CYP26B1: variants seen among roughly 807,000 people sequenced by gnomAD.
CYP26B1 encodes cytochrome P450 26B1.
A neutral mutation model predicts 39.1 loss-of-function variants in CYP26B1; 8 were observed. That is an observed-to-expected ratio of 0.20 (90% confidence interval 0.12 to 0.37). CYP26B1 has a LOEUF of 0.37. Ranked by LOEUF, CYP26B1 falls within the 10% of genes least tolerant of loss-of-function variation. CYP26B1 has a pLI of 1.00. For synonymous variants in CYP26B1, 321 were observed against 314.3 expected, an observed-to-expected ratio of 1.02 and a Z score of -0.23; for missense variants, 615 against 707.0, an observed-to-expected ratio of 0.87 and a Z score of 1.48.
chr2:72,145,680 T>A (rs1184423285), intron 1 of CYP26B1, among the ~76,000 whole-genome samples: 2 of 152,178 alleles, frequency 1.3e-5, no homozygotes, highest in Non-Finnish European at 2.9e-5. Flanking sequence ...GGTTGTGAAT[T>A]TTCCGAGGTC....
At chr2:72,146,392 A>T (rs1490087226) in intron 1 of CYP26B1, among the ~76,000 whole-genome samples, 1 of 152,110 alleles carries the variant, frequency 6.6e-6, no homozygotes, top group Non-Finnish European at 1.5e-5. Context: ...ATTGGTTGAA[A>T]GGACCCCCAC....
rs767391790 is a variant in CYP26B1 at position 72,135,248 on chromosome 2, T to C, written c.601A>G (p.Ser201Gly). 6 of 1,614,028 alleles carry C rather than the reference T, an allele frequency of 3.7e-6. No homozygotes were observed. The highest frequency in any genetic ancestry group is 1.6e-4 in the Middle Eastern group (1 of 6,084). The change falls in exon 3 of 6, where the codon AGC becomes GGC. Residue 201 changes from serine to glycine, a missense_variant. Ser to Gly is a moderately conservative substitution (Grantham distance 56). Transcript: ENST00000001146. ...TGCCCAAGGTCCTCCTCAGGGATGC[T>C]GAAGCCCAGCAGCACCCGGATGGCC... ...RMAIRVLLGFSIPEEDLGHLF... is the reference protein window; with the variant it reads ...RMAIRVLLGFGIPEEDLGHLF...
At chr2:72,144,380 A>G (rs1301299610) in intron 1 of CYP26B1, 167 bp from the exon 2 acceptor site, 1 of 1,434,284 alleles carries the variant, frequency 7.0e-7, no homozygotes, top group East Asian at 2.5e-5. Context: ...GTGCACAAGA[A>G]CTGCGAAGTA....
Position 72,147,037 on chromosome 2 carries a change from T to C in CYP26B1, c.204+594A>G, listed in dbSNP as rs1376786091. Among the ~76,000 whole-genome samples the C allele has an allele frequency of 6.6e-6, 1 of 152,180 alleles. No individual in the cohort carries two copies. Among genetic ancestry groups the C allele is most frequent in the African/African-American group, 2.4e-5 (1 of 41,448 alleles). Reference sequence around the variant, plus strand: ...GAAAGCCTAGAGCCCTGGATTCTCATTTTTCCTTGGGTTACCTTCTTCCTC... The same window carrying C: ...GAAAGCCTAGAGCCCTGGATTCTCACTTTTCCTTGGGTTACCTTCTTCCTC... On this transcript the variant is annotated intron_variant, in intron 1 of 5. Transcript: ENST00000001146. The surrounding 1 kb of genome is among the most constrained non-coding windows in gnomAD (Gnocchi z 6.1).
Position 72,132,355 on chromosome 2 carries a change from A to C in CYP26B1, c.1411T>G (p.Phe471Val), listed in dbSNP as rs1676611326. The change falls in exon 6 of 6, where the codon TTC (phenylalanine) becomes GTC (valine). Residue 471 changes from phenylalanine to valine, a missense_variant. Phe to Val is a conservative substitution (Grantham distance 50). Transcript: ENST00000001146. The part of the protein sequence containing the change: ...TSRFELATRT[F>V]PRITLVPVLH... ...ACGGGGACCAAGGTGATGCGGGGGA[A>C]GGTCCGTGTGGCCAGCTCAAAGCGG... 6.2e-7 allele frequency: 1 copy of C among 1,611,176 alleles called. No homozygotes were observed. Among genetic ancestry groups the C allele is most frequent in the Non-Finnish European group, 8.5e-7 (1 of 1,178,102 alleles).
In CYP26B1 at chr2:72,147,818, A is replaced by G. The variant is rs1240656554; in HGVS notation, c.17T>C (p.Leu6Ser). ...GGTGGCCAGCGCCGACACCAGATCCAAGCCCTCAAAGAGCATGTTGGCGGC... is the reference window on the plus strand; with the variant it reads ...GGTGGCCAGCGCCGACACCAGATCCGAGCCCTCAAAGAGCATGTTGGCGGC... MLFEG[L>S]DLVSALATLA... The change falls in exon 1 of 6, where the codon TTG (leucine) becomes TCG (serine). Residue 6 changes from leucine to serine, a missense_variant. Coordinates refer to ENST00000001146, the MANE Select transcript of CYP26B1 (RefSeq NM_019885.4). This position sits in a 1 kb window ranked among gnomAD's most constrained non-coding sequence, Gnocchi z 6.1. The G allele has an allele frequency of 6.5e-7, 1 of 1,538,522 alleles. No individual in the cohort carries two copies. Among genetic ancestry groups the G allele is most frequent in the South Asian group, 1.2e-5 (1 of 82,638 alleles).
chr2:72,141,356 C>T (rs1676937284), intron 2 of CYP26B1, among the ~76,000 whole-genome samples: 1 of 152,192 alleles, frequency 6.6e-6, no homozygotes, highest in Non-Finnish European at 1.5e-5. Flanking sequence ...CCCCTGCTGG[C>T]CCAGGACCAC....
At chr2:72,145,430 G>A (rs1677095507) in intron 1 of CYP26B1, among the ~76,000 whole-genome samples, 1 of 152,220 alleles carries the variant, frequency 6.6e-6, no homozygotes, top group South Asian at 2.1e-4. Context: ...TGGGCCGCGG[G>A]AACGCTGTCC....
Position 72,140,845 on chromosome 2 carries a change from A to G in CYP26B1, c.429+3144T>C, listed in dbSNP as rs116683675. Among the ~76,000 whole-genome samples, 899 of 152,282 alleles carry G rather than the reference A, an allele frequency of 5.9e-3. 6 individuals are homozygous for G. The highest frequency in any genetic ancestry group is 0.021 in the African/African-American group (864 of 41,550). On this transcript the variant is annotated intron_variant, in intron 2 of 5. Coordinates refer to ENST00000001146, the MANE Select transcript of CYP26B1 (RefSeq NM_019885.4). ...TCCTGTAGGCAGGGGTCTGGGTAGA[A>G]GGGGCAAGACTACCATTCCTGAGGT...
Position 72,135,197 on chromosome 2 carries a change from C to T in CYP26B1, c.652G>A (p.Val218Met), listed in dbSNP as rs1274364128. Residue 218 changes from valine (V) to methionine (M), a missense_variant, in exon 3 of 6, where the codon GTG (valine) becomes ATG (methionine). Coordinates refer to ENST00000001146, the MANE Select transcript of CYP26B1 (RefSeq NM_019885.4). ...GHLFEVYQQFVDNVFSLPVDL... is the reference protein window; with the variant it reads ...GHLFEVYQQFMDNVFSLPVDL... The stretch of plus-strand genomic sequence containing the variant: ...ACAGGCAGGGAGAAGACATTGTCCA[C>T]AAACTGCTGGTAGACCTCAAAGAGG... The T allele has an allele frequency of 3.1e-6, 5 of 1,614,070 alleles. No homozygotes were observed. Among genetic ancestry groups the T allele is most frequent in the Non-Finnish European group, 4.2e-6 (5 of 1,180,020 alleles).
chr2:72,143,972 A>C lies in CYP26B1; in HGVS notation c.429+17T>G. ...TGGGGGAGGGATTGCGCGGAAGAAAACGGGCAGAGTTCTTACCTTGCGCTT... is the reference window on the plus strand; with the variant it reads ...TGGGGGAGGGATTGCGCGGAAGAAACCGGGCAGAGTTCTTACCTTGCGCTT... On this transcript the variant is annotated intron_variant, in intron 2 of 5. Transcript: ENST00000001146. 1 of 1,613,034 alleles carries C rather than the reference A, an allele frequency of 6.2e-7. No individual in the cohort carries two copies. Among genetic ancestry groups the C allele is most frequent in the South Asian group, 1.1e-5 (1 of 91,064 alleles).
In CYP26B1 at chr2:72,147,730, C is replaced by T; in HGVS notation, c.105G>A (p.Leu35=). The T allele has an allele frequency of 1.9e-6, 3 of 1,591,386 alleles. No homozygotes were observed. Among genetic ancestry groups the T allele is most frequent in the Non-Finnish European group, 2.6e-6 (3 of 1,169,996 alleles). ...LLAVSQQLWQ[L]RWAATRDKSC... ...TCTTGTCGCGAGTGGCGGCCCAGCG[C>T]AGCTGCCACAGCTGCTGCGACACGG... The change falls in exon 1 of 6, where the codon CTG becomes CTA. Residue 35 remains leucine (L), a synonymous_variant. Coordinates refer to ENST00000001146, the MANE Select transcript of CYP26B1 (RefSeq NM_019885.4). The surrounding 1 kb of genome is among the most constrained non-coding windows in gnomAD (Gnocchi z 6.1).
At chr2:72,145,993 T>C (rs563311472) in intron 1 of CYP26B1, among the ~76,000 whole-genome samples, 122 of 152,276 alleles carry the variant, frequency 8.0e-4, no homozygotes, top group African/African-American at 2.9e-3. Flanking sequence ...ATTAACCCCT[T>C]AGGCGCTCCT....
intron 2 of CYP26B1, among the ~76,000 whole-genome samples, chr2:72,142,219 G>A (rs3768639): frequency 1.3e-5 from 2 of 151,932 alleles, no homozygotes; most frequent in Non-Finnish European, 1.5e-5. Context: ...AGCCAACACC[G>A]GGAGGCCCGA....
At position 72,133,202 on chromosome 2, in the gene CYP26B1, G is replaced by A. The variant is rs138478634; in HGVS notation, c.967C>T (p.Arg323Trp). The part of the protein sequence containing the change: ...LKHPTVLEKL[R>W]DELRAHGILH... ...ATGCCATGAGCCCGCAGCTCATCCC[G>A]CAGCTTCTCCAGCACAGTGGGGTGC... Residue 323 changes from arginine to tryptophan, a missense_variant, in exon 5 of 6, where the codon CGG becomes TGG. Transcript: ENST00000001146. The A allele has an allele frequency of 6.4e-4, 1,025 of 1,611,940 alleles. 11 individuals carry two copies. The East Asian group carries it at 0.021, about 32-fold the overall frequency.
At position 72,144,103 on chromosome 2, in the gene CYP26B1, G is replaced by T; in HGVS notation, c.315C>A (p.Ile105=). 6.2e-7 allele frequency: 1 copy of T among 1,612,438 alleles called. No homozygotes were observed. Among genetic ancestry groups the T allele is most frequent in the Non-Finnish European group, 8.5e-7 (1 of 1,178,650 alleles). The change falls in exon 2 of 6, where the codon ATC becomes ATA. Residue 105 remains isoleucine, a synonymous_variant. Coordinates refer to ENST00000001146, the MANE Select transcript of CYP26B1 (RefSeq NM_019885.4). ...TCACGAGGTGGTGCTCGCCCATGAGGATCTTGCGCACGTTCTCCGCGCCGG... is the reference window on the plus strand; with the variant it reads ...TCACGAGGTGGTGCTCGCCCATGAGTATCTTGCGCACGTTCTCCGCGCCGG... The part of the protein sequence containing the change: ...RVTGAENVRK[I]LMGEHHLVST...
rs707718 is a variant in CYP26B1 at position 72,129,320 on chromosome 2, G to T, written c.*2907C>A. 53,016 of 152,230 alleles carry T rather than the reference G, an allele frequency of 0.35. 12,923 individuals carry two copies. The highest frequency in any genetic ancestry group is 0.68 in the African/African-American group (28,277 of 41,434). The allele number at this position is 152,230 out of a possible 1,614,324, so 9.4% of individuals were successfully genotyped here. On this transcript the variant is annotated 3_prime_UTR_variant, in exon 6 of 6. Coordinates refer to ENST00000001146, the MANE Select transcript of CYP26B1 (RefSeq NM_019885.4). Reference sequence around the variant, plus strand: ...AAATCACAAAATGCACAACATTCATGTTTTTAATATGCAACATGGAATATT... The same window carrying T: ...AAATCACAAAATGCACAACATTCATTTTTTTAATATGCAACATGGAATATT...
rs75232025 is a variant in CYP26B1, at chr2:72,135,091, G to A, written c.705+53C>T. 2.3e-3 allele frequency: 3,748 copies of A among 1,610,106 alleles called. 16 individuals are homozygous for A. Among genetic ancestry groups the A allele is most frequent in the Middle Eastern group, 0.02 (106 of 5,348 alleles). On this transcript the variant is annotated intron_variant, in intron 3 of 5. Transcript: ENST00000001146. ...GTCAGGTCAGCCACCCACCCCCAGA[G>A]AGGGGGCTCATGGATGCCCCTGCTC...
rs1171428276 is a variant in CYP26B1, at chr2:72,136,145, G to A, written c.430-726C>T. ...GTTTTCATGTGTGGAGGAGAGGGGA[G>A]CACGTTAGTTTATTTACCAAAAGCC... is the stretch of plus-strand genomic sequence containing the variant. On this transcript the variant is annotated intron_variant, in intron 2 of 5. Coordinates refer to ENST00000001146, the MANE Select transcript of CYP26B1 (RefSeq NM_019885.4). Among the ~76,000 whole-genome samples the A allele has an allele frequency of 5.3e-5, 8 of 152,240 alleles. No individual in the cohort carries two copies. The South Asian group carries it at 1.0e-3, about 20-fold the overall frequency.
Sources: gnomAD v4.1 joint callset for allele counts (sites outside exome capture counted in the v4.1 genomes callset) on GRCh38, gnomAD v4.1.1 for gene constraint, Gnocchi (gnomAD v3.1) non-coding constraint, MANE v1.5 for transcripts, NCBI Gene and HGNC (gene_info 2026-07-23, HGNC 2026-07-21) for gene names.